SLC4A8: variants seen among roughly 807,000 people sequenced by gnomAD.
SLC4A8 encodes the protein electroneutral sodium bicarbonate exchanger 1.
A neutral mutation model predicts 125.0 loss-of-function variants in SLC4A8; 40 were observed. The observed-to-expected ratio is 0.32, with a 90% CI of 0.25 to 0.42. The LOEUF is 0.42. Ranked by LOEUF, SLC4A8 falls within the 10% of genes least tolerant of loss-of-function variation. The pLI is 1.00. For missense variants in SLC4A8, 863 were observed against 1,355.1 expected, an observed-to-expected ratio of 0.64 and a Z score of 5.70; for synonymous variants, 456 against 476.0, an observed-to-expected ratio of 0.96 and a Z score of 0.55.
chr12:51,462,322 G>T lies in SLC4A8; in HGVS notation c.1114G>T (p.Val372Leu), dbSNP rs779319551. 1 of 1,613,664 alleles carries T rather than the reference G, an allele frequency of 6.2e-7. No individual in the cohort carries two copies. The highest frequency in any genetic ancestry group is 8.5e-7 in the Non-Finnish European group (1 of 1,179,868). Residue 372 changes from valine to leucine, a missense_variant, in exon 10 of 25, where the codon GTA becomes TTA. Coordinates refer to ENST00000453097, the MANE Select transcript of SLC4A8 (RefSeq NM_001039960.3). The part of the protein sequence containing the change: ...TIMTDEIFHD[V>L]AYKAKERDDL... ...CTCTTCTCTGTAGATTTTTCATGAC[G>T]TAGCATATAAGGCAAAAGAGCGAGA... is the stretch of plus-strand genomic sequence containing the variant.
At chr12:51,404,081 G>A (rs764992377) in intron 1 of SLC4A8, among the ~76,000 whole-genome samples, 12 of 152,194 alleles carry the variant, frequency 7.9e-5, no homozygotes, top group Non-Finnish European at 1.6e-4. Context: ...TCAGACTTGT[G>A]AGCAAATCAT....
chr12:51,458,191 T>A (rs1950214363), intron 6 of SLC4A8, among the ~76,000 whole-genome samples: 1 of 152,208 alleles, frequency 6.6e-6, no homozygotes, highest in Non-Finnish European at 1.5e-5. Flanking sequence ...ATTTATTTCC[T>A]GGTCTCTACT....
intron 1 of SLC4A8, among the ~76,000 whole-genome samples, chr12:51,416,453 G>A (rs548101564): frequency 6.6e-6 from 1 of 152,202 alleles, no homozygotes; most frequent in African/African-American, 2.4e-5. Context: ...GACCAGCCTG[G>A]TCAACAAGGT....
rs765810323 is a variant in SLC4A8 at position 51,440,683 on chromosome 12, T to C, written c.49-25T>C. 2.5e-6 allele frequency: 4 copies of C among 1,588,466 alleles called. No individual in the cohort carries two copies. In the African/African-American group the frequency reaches 5.4e-5, roughly 21 times the overall value. On this transcript the variant is annotated intron_variant, in intron 1 of 24. Transcript: ENST00000453097. ...TTTGAACGAGGTATGTGTATTACTG[T>C]GACTACTTATTTGTGTTTAAACAGA... is the stretch of plus-strand genomic sequence containing the variant.
intron 11 of SLC4A8, chr12:51,469,012 C>T (rs1047951048): frequency 6.6e-6 from 1 of 152,638 alleles, no homozygotes; most frequent in Non-Finnish European, 1.5e-5. Flanking sequence ...ACCATAGCAC[C>T]CTCACAATAC....
intron 1 of SLC4A8, chr12:51,403,211 C>T: frequency 2.2e-6 from 1 of 456,894 alleles, no homozygotes; most frequent in Non-Finnish European, 4.4e-6. Flanking sequence ...CTCGCTACCG[C>T]CGGGGAGACC....
rs1431121886 is a variant in SLC4A8, at chr12:51,484,885, AG to A, written c.2173-901del. Among the ~76,000 whole-genome samples the A allele has an allele frequency of 4.6e-5, 7 of 152,242 alleles. No individual in the cohort carries two copies. In the East Asian group the frequency reaches 1.3e-3, roughly 29 times the overall value. ...GGCCAATTTTAAGTGGTATCATCAGAGAAGAGCTCAAAGAGAAGGTGATATT... is the reference window on the plus strand; with the variant it reads ...GGCCAATTTTAAGTGGTATCATCAGAAAGAGCTCAAAGAGAAGGTGATATT... On this transcript the variant is annotated intron_variant, in intron 16 of 24. Coordinates refer to ENST00000453097, the MANE Select transcript of SLC4A8 (RefSeq NM_001039960.3).
intron 22 of SLC4A8, among the ~76,000 whole-genome samples, chr12:51,500,685 A>C (rs531027041): frequency 6.5e-4 from 98 of 150,462 alleles, no homozygotes; most frequent in East Asian, 2.4e-3. Context: ...TAGTGGGATT[A>C]TTTTCTTTTC....
intron 2 of SLC4A8, among the ~76,000 whole-genome samples, chr12:51,442,990 A>C (rs972245388): frequency 1.3e-5 from 2 of 152,304 alleles, no homozygotes; most frequent in African/African-American, 4.8e-5. Context: ...CTGCAAAAAA[A>C]ATCTCCAGGT....
chr12:51,392,745 T>A (rs1310382677), intron 1 of SLC4A8: 1 of 152,028 alleles, frequency 6.6e-6, no homozygotes, highest in African/African-American at 2.4e-5. Flanking sequence ...AGGGCTGGAA[T>A]GAGAATCCTG....
intron 16 of SLC4A8, among the ~76,000 whole-genome samples, chr12:51,482,309 TATA>T (rs1439731330): frequency 6.6e-6 from 1 of 152,136 alleles, no homozygotes; most frequent in Non-Finnish European, 1.5e-5. Flanking sequence ...ATTTGATAAA[TATA>T]ATTATTTCAC....
Position 51,507,442 on chromosome 12 carries a change from T to G in SLC4A8, c.*4T>G, listed in dbSNP as rs1196316827. ...TTTATTCAGTCTCTTCAACTAAGAGTCTTTGCTGGGATGGAAGATTTGGGC... is the reference window on the plus strand; with the variant it reads ...TTTATTCAGTCTCTTCAACTAAGAGGCTTTGCTGGGATGGAAGATTTGGGC... On this transcript the variant is annotated 3_prime_UTR_variant, in exon 25 of 25. Coordinates refer to ENST00000453097, the MANE Select transcript of SLC4A8 (RefSeq NM_001039960.3). 2.2e-6 allele frequency: 3 copies of G among 1,392,458 alleles called. No individual in the cohort carries two copies. The highest frequency in any genetic ancestry group is 2.8e-6 in the Non-Finnish European group (3 of 1,066,078). The allele number at this position is 1,392,458 out of a possible 1,614,324, so 86.3% of individuals were successfully genotyped here. A position where few individuals can be genotyped will look rare whatever the true frequency, so the allele number is the denominator to read the frequency against.
intron 1 of SLC4A8, among the ~76,000 whole-genome samples, chr12:51,396,731 GA>G: frequency 6.6e-6 from 1 of 150,526 alleles, no homozygotes; most frequent in East Asian, 1.9e-4. Flanking sequence ...GAAGCCTAAG[GA>G]AAAAAGAAAA....
chr12:51,425,330 G>T (rs959233138), intron 1 of SLC4A8: 1 of 1,238,418 alleles, frequency 8.1e-7, no homozygotes, highest in Admixed American at 4.3e-5. Context: ...TTCTCCTCGC[G>T]TCTTTCTGTT....
intron 5 of SLC4A8, among the ~76,000 whole-genome samples, chr12:51,457,017 A>G (rs1043128956): frequency 3.9e-5 from 6 of 152,248 alleles, no homozygotes; most frequent in African/African-American, 1.4e-4. Context: ...ACAGTCCTCA[A>G]TTTGAATCCC....
At chr12:51,432,649 G>A (rs1949233083) in intron 1 of SLC4A8, among the ~76,000 whole-genome samples, 1 of 151,988 alleles carries the variant, frequency 6.6e-6, no homozygotes, top group Non-Finnish European at 1.5e-5. Flanking sequence ...TTTGAACCCA[G>A]GAGACAGAGG....
At chr12:51,410,612 C>T (rs1360964927) in intron 1 of SLC4A8, among the ~76,000 whole-genome samples, 1 of 152,048 alleles carries the variant, frequency 6.6e-6, no homozygotes, top group African/African-American at 2.4e-5. Context: ...TATGCGCCAC[C>T]AGGCCCAGCT....
At chr12:51,472,791 C>G (rs1393752083) in intron 14 of SLC4A8, among the ~76,000 whole-genome samples, 1 of 152,046 alleles carries the variant, frequency 6.6e-6, no homozygotes, top group African/African-American at 2.4e-5. Flanking sequence ...TAGTTGCATT[C>G]TACTGTTATT....
chr12:51,478,317 T>TA (rs1056621342), intron 16 of SLC4A8, among the ~76,000 whole-genome samples: 2 of 151,562 alleles, frequency 1.3e-5, no homozygotes, highest in African/African-American at 4.9e-5. Flanking sequence ...CAGGTGCCTG[T>TA]AATCCCATCT....
Sources: allele counts gnomAD v4.1 joint callset (sites outside exome capture counted in the v4.1 genomes callset), GRCh38; gene constraint gnomAD v4.1.1; transcripts MANE v1.5; gene names NCBI Gene and HGNC (gene_info 2026-07-23, HGNC 2026-07-21).